Variants in RPS6KA2 observed in about 807,000 individuals in gnomAD.
The protein encoded by RPS6KA2 is ribosomal protein S6 kinase alpha-2.
Under a neutral mutation model 91.8 loss-of-function variants are expected in RPS6KA2, and 42 were observed. The ratio of observed to expected loss-of-function variants is 0.46; its 90% CI spans 0.36 to 0.59. The LOEUF (loss-of-function observed/expected upper bound fraction) is 0.59, where lower values mean the gene tolerates loss of function less well. Among genes scored for constraint, RPS6KA2 ranks in the 20% least tolerant of loss-of-function variants. RPS6KA2 has a pLI of 0.00. For synonymous variants in RPS6KA2, 414 were observed against 393.6 expected (o/e 1.05, Z -0.61); for missense variants, 798 against 978.5 (o/e 0.82, Z 2.46).
intron 2 of RPS6KA2, among the ~76,000 whole-genome samples, chr6:166,764,782 C>T (rs972934575): frequency 2.0e-5 from 3 of 152,246 alleles, no homozygotes; most frequent in African/African-American, 7.2e-5. Flanking sequence ...CGCGGTGACA[C>T]CTACAGCCAC....
chr6:166,770,822 A>G lies in RPS6KA2; in HGVS notation c.123+87378T>C, dbSNP rs779816640. 6 of 1,549,374 alleles carry G rather than the reference A, an allele frequency of 3.9e-6. No homozygotes were observed. The highest frequency in any genetic ancestry group is 2.8e-5 in the African/African-American group (2 of 72,336). ...AACTTAAAAAAAAAATGTAACTCAC[A>G]TAAGCATGGAAAAAAACAAACCCAC... On this transcript the variant is annotated intron_variant, in intron 2 of 21. Coordinates refer to the RPS6KA2 transcript ENST00000503859. This position sits in a 1 kb window ranked among gnomAD's most constrained non-coding sequence, Gnocchi z 5.1.
intron 1 of RPS6KA2, among the ~76,000 whole-genome samples, chr6:166,601,327 A>G (rs1052948844): frequency 6.6e-6 from 1 of 152,272 alleles, no homozygotes; most frequent in African/African-American, 2.4e-5. Context: ...TTGGTTACAA[A>G]GCACTTCTAC....
chr6:166,636,508 T>C (rs1787245610), intron 2 of RPS6KA2, among the ~76,000 whole-genome samples: 1 of 152,254 alleles, frequency 6.6e-6, no homozygotes, highest in Non-Finnish European at 1.5e-5. Flanking sequence ...TGATTCTTCT[T>C]CCTTTTCTCC....
Position 166,796,592 on chromosome 6 carries a change from A to AAAC in RPS6KA2, c.123+61605_123+61607dup, listed in dbSNP as rs575046426. ...AACAGAGACTCTGTCTTAAAAAGAAAAACAACAACAACAACAAACTCATTT... is the reference window on the plus strand; with the variant it reads ...AACAGAGACTCTGTCTTAAAAAGAAAAACAACAACAACAACAACAAACTCATTT... On this transcript the variant is annotated intron_variant, in intron 2 of 21. Transcript: ENST00000503859. Among the ~76,000 whole-genome samples the AAAC allele has an allele frequency of 2.6e-5, 4 of 152,028 alleles. 1 individual carries two copies. In the South Asian group the frequency reaches 6.2e-4, roughly 24 times the overall value.
chr6:166,722,637 G>A (rs1344804882), intron 2 of RPS6KA2, among the ~76,000 whole-genome samples: 1 of 152,232 alleles, frequency 6.6e-6, no homozygotes, highest in Non-Finnish European at 1.5e-5. Context: ...AAAAAGAAGA[G>A]CCAGGACACC....
chr6:166,450,535 A>G (rs901291716), intron 13 of RPS6KA2, among the ~76,000 whole-genome samples: 2 of 146,472 alleles, frequency 1.4e-5, no homozygotes, highest in African/African-American at 5.1e-5. Context: ...CCCAGGGAAC[A>G]CCATGGGGAC....
Position 166,826,297 on chromosome 6 carries a change from A to C in RPS6KA2, c.123+31903T>G, listed in dbSNP as rs141326580. On this transcript the variant is annotated intron_variant, in intron 2 of 21. Coordinates refer to the RPS6KA2 transcript ENST00000503859. ...GGAAAAGTAGAAAGATACGTTTCCCATTGCCACACCTTAGCTGTTTTTAAA... is the reference window on the plus strand; with the variant it reads ...GGAAAAGTAGAAAGATACGTTTCCCCTTGCCACACCTTAGCTGTTTTTAAA... Among the ~76,000 whole-genome samples, 486 of 152,316 alleles carry C rather than the reference A, an allele frequency of 3.2e-3. 3 individuals are homozygous for C. Among genetic ancestry groups the C allele is most frequent in the Admixed American group, 0.017 (262 of 15,308 alleles).
At chr6:166,782,514 G>C (rs1052415650) in intron 2 of RPS6KA2, among the ~76,000 whole-genome samples, 6 of 152,134 alleles carry the variant, frequency 3.9e-5, no homozygotes, top group Non-Finnish European at 8.8e-5. Context: ...TCTCAGGACC[G>C]ATCAGAAGCC....
At chr6:166,475,657 G>T in intron 10 of RPS6KA2, 2 of 386,720 alleles carry the variant, frequency 5.2e-6, no homozygotes, top group East Asian at 6.6e-5. Context: ...CACCTGCTAC[G>T]GGCATTCAGT....
At chr6:166,625,347 G>A (rs1479428349) in intron 1 of RPS6KA2, among the ~76,000 whole-genome samples, 4 of 47,554 alleles carry the variant, frequency 8.4e-5, no homozygotes, top group African/African-American at 3.9e-4. Flanking sequence ...CCCCCCGCTT[G>A]TTTCCCACTG....
At chr6:166,619,041 C>A (rs1382267656) in intron 1 of RPS6KA2, among the ~76,000 whole-genome samples, 1 of 150,312 alleles carries the variant, frequency 6.7e-6, no homozygotes, top group East Asian at 1.9e-4. Context: ...CATATGGGCT[C>A]CCATCGATGC....
Position 166,555,694 on chromosome 6 carries a change from A to C in RPS6KA2, c.100-16910T>G, listed in dbSNP as rs1784157462. On this transcript the variant is annotated intron_variant, in intron 1 of 20. Coordinates refer to ENST00000265678, the MANE Select transcript of RPS6KA2 (RefSeq NM_021135.6). ...ATCGGGCAAAGAACCTATTACGCTT[A>C]CATTTCCCAGTCACCTTTCATGTTT... Among the ~76,000 whole-genome samples, 2 of 152,258 alleles carry C rather than the reference A, an allele frequency of 1.3e-5. 1 individual carries two copies. The highest frequency in any genetic ancestry group is 6.8e-3 in the Middle Eastern group (2 of 294).
intron 1 of RPS6KA2, among the ~76,000 whole-genome samples, chr6:166,552,411 T>C (rs370747355): frequency 9.8e-5 from 15 of 152,342 alleles, no homozygotes; most frequent in African/African-American, 3.6e-4. Flanking sequence ...CTCACCCACA[T>C]GATGACAGCC....
chr6:166,717,974 A>G (rs2128583248), intron 2 of RPS6KA2, among the ~76,000 whole-genome samples: 1 of 151,026 alleles, frequency 6.6e-6, no homozygotes, highest in Non-Finnish European at 1.5e-5. Context: ...TCAGCCTCCC[A>G]CGTAGCTGGG....
At chr6:166,829,782 A>T (rs1241551119) in intron 2 of RPS6KA2, among the ~76,000 whole-genome samples, 1 of 151,966 alleles carries the variant, frequency 6.6e-6, no homozygotes, top group African/African-American at 2.4e-5. Context: ...TGATGTGTAT[A>T]TACCTACAAT....
intron 3 of RPS6KA2, among the ~76,000 whole-genome samples, chr6:166,517,783 G>A (rs1782710835): frequency 6.6e-6 from 1 of 151,960 alleles, no homozygotes; most frequent in African/African-American, 2.4e-5. Flanking sequence ...CCCACTTAAG[G>A]CATTCTTAAA....
chr6:166,429,832 G>A (rs1390100435), intron 16 of RPS6KA2, among the ~76,000 whole-genome samples: 4 of 152,126 alleles, frequency 2.6e-5, no homozygotes, highest in Admixed American at 6.6e-5. Context: ...GGGTGCTCCC[G>A]TGTGTATGTG....
chr6:166,707,909 A>AATTTTTGAATATTTTGAAT, intron 2 of RPS6KA2, among the ~76,000 whole-genome samples: 1 of 152,138 alleles, frequency 6.6e-6, no homozygotes, highest in East Asian at 1.9e-4. Context: ...GTGCCCAGAT[A>AATTTTTGAATATTTTGAAT]ATTTTTGAAT....
chr6:166,629,047 T>C (rs2128544856), upstream of RPS6KA2, among the ~76,000 whole-genome samples: 1 of 152,334 alleles, frequency 6.6e-6, no homozygotes, highest in East Asian at 1.9e-4. Context: ...ACCAGCCTCT[T>C]AGTGCCCTGT....
Sources: gnomAD v4.1 joint callset for allele counts (sites outside exome capture counted in the v4.1 genomes callset) on GRCh38, gnomAD v4.1.1 for gene constraint, Gnocchi (gnomAD v3.1) non-coding constraint, MANE v1.5 for transcripts, NCBI Gene and HGNC (gene_info 2026-07-23, HGNC 2026-07-21) for gene names.